Variants in KLHL8 observed in about 807,000 individuals in gnomAD.
KLHL8 encodes the protein kelch like family member 8, also known as kelch-like protein 8.
KLHL8 carries 38 observed loss-of-function variants against 63.5 expected under a neutral mutation model. The observed-to-expected ratio is 0.60, with a 90% CI of 0.46 to 0.78. The LOEUF (loss-of-function observed/expected upper bound fraction) is 0.78, where lower values mean the gene tolerates loss of function less well. KLHL8 is among the 30% of genes least tolerant of loss of function. KLHL8 has a pLI of 0.00. For synonymous variants in KLHL8, 224 were observed against 254.3 expected (o/e 0.88, Z 1.13); for missense variants, 566 against 752.4 (o/e 0.75, Z 2.90).
At position 87,162,965 on chromosome 4, in the gene KLHL8, C is replaced by T. The variant is rs906332246; in HGVS notation, c.*554G>A. On this transcript the variant is annotated 3_prime_UTR_variant, in exon 10 of 10. Coordinates refer to ENST00000273963, the MANE Select transcript of KLHL8 (RefSeq NM_020803.5). ...CTAAGTGGCATTCAAAAAGACAGAA[C>T]ATTTTTTCTACTTCCGTAAATATAA... is the stretch of plus-strand genomic sequence containing the variant. 6.6e-6 allele frequency: 1 copy of T among 151,892 alleles called. No homozygotes were observed. Among genetic ancestry groups the T allele is most frequent in the Non-Finnish European group, 1.5e-5 (1 of 67,968 alleles). 9.4% of individuals were successfully genotyped at this position (151,892 alleles called of 1,614,324 possible). A position where few individuals can be genotyped will look rare whatever the true frequency, so the allele number is the denominator to read the frequency against.
chr4:87,217,612 C>G (rs1247077110), intron 1 of KLHL8, among the ~76,000 whole-genome samples: 1 of 149,384 alleles, frequency 6.7e-6, no homozygotes, highest in Non-Finnish European at 1.5e-5. Context: ...TCTGAAAGTG[C>G]TAGGATTACA....
chr4:87,191,328 G>A (rs1208368088), intron 2 of KLHL8, among the ~76,000 whole-genome samples: 5 of 152,096 alleles, frequency 3.3e-5, no homozygotes, highest in African/African-American at 1.2e-4. Context: ...AATTAACTGG[G>A]TGTGATGGTG....
intron 1 of KLHL8, among the ~76,000 whole-genome samples, chr4:87,201,499 A>C (rs1025072095): frequency 2.6e-5 from 4 of 152,362 alleles, no homozygotes; most frequent in East Asian, 1.9e-4. Flanking sequence ...ATTAGCAATG[A>C]CATAAAAGAA....
chr4:87,183,414 C>T, intron 3 of KLHL8, 25 bp from the exon 4 acceptor site: 1 of 1,480,036 alleles, frequency 6.8e-7, no homozygotes, highest in Non-Finnish European at 9.1e-7. Context: ...AGTTGCAATA[C>T]AACAAATTTT....
chr4:87,164,273 A>G (rs1269239013), intron 8 of KLHL8, among the ~76,000 whole-genome samples, 194 bp from the exon 9 acceptor site: 1 of 152,066 alleles, frequency 6.6e-6, no homozygotes, highest in Non-Finnish European at 1.5e-5. Flanking sequence ...CTACAATTCC[A>G]CGTTAGGTAA....
chr4:87,189,712 C>T (rs1731404059), intron 2 of KLHL8, among the ~76,000 whole-genome samples: 1 of 151,790 alleles, frequency 6.6e-6, no homozygotes. Flanking sequence ...ATTTTGTAAA[C>T]TATCTCCACT....
At chr4:87,211,924 G>A (rs546548887) in intron 1 of KLHL8, among the ~76,000 whole-genome samples, 29 of 152,306 alleles carry the variant, frequency 1.9e-4, no homozygotes, top group Non-Finnish European at 3.8e-4. Context: ...CTTTTAGACA[G>A]ATGTGTTCTT....
At chr4:87,168,898 T>A (rs978242150) in intron 8 of KLHL8, among the ~76,000 whole-genome samples, 2 of 151,238 alleles carry the variant, frequency 1.3e-5, no homozygotes. Context: ...AATGCCTTTT[T>A]TTGCTGTTAG....
At chr4:87,234,306 G>T (rs190113130) in intron 1 of KLHL8, among the ~76,000 whole-genome samples, 1 of 152,216 alleles carries the variant, frequency 6.6e-6, no homozygotes, top group African/African-American at 2.4e-5. Context: ...GGGCGTGGTG[G>T]TGCACACCTG....
At chr4:87,190,734 C>T (rs1731449931) in intron 2 of KLHL8, among the ~76,000 whole-genome samples, 1 of 151,880 alleles carries the variant, frequency 6.6e-6, no homozygotes, top group Admixed American at 6.6e-5. Flanking sequence ...TAATTTATTT[C>T]TCATAGTTCT....
chr4:87,223,944 C>T (rs192147881), upstream of KLHL8, among the ~76,000 whole-genome samples: 305 of 152,276 alleles, frequency 2.0e-3, no homozygotes, highest in African/African-American at 6.7e-3. Context: ...AATTCCTTCC[C>T]TTCCCTCAAA....
chr4:87,229,534 C>A lies in KLHL8; in HGVS notation n.58-8144G>T, dbSNP rs138698783. ...GCAACCTCTGCCTCCCGGGTTCAAG[C>A]CATTCTCCTACCTCAGCCTCCCAAG... On this transcript the variant is annotated intron_variant and non_coding_transcript_variant, in intron 1 of 1. Transcript: ENST00000506274. 3.6e-3 allele frequency among the ~76,000 whole-genome samples: 539 copies of A among 151,412 alleles called. 1 individual carries two copies. Among genetic ancestry groups the A allele is most frequent in the African/African-American group, 0.012 (504 of 41,162 alleles).
rs868237496 is a variant in KLHL8 at position 87,220,488 on chromosome 4, G to A, written c.-222C>T. The A allele has an allele frequency of 6.0e-4, 91 of 152,392 alleles. No homozygotes were observed. Among genetic ancestry groups the A allele is most frequent in the African/African-American group, 2.2e-3 (91 of 41,570 alleles). 9.4% of individuals were successfully genotyped at this position (152,392 alleles called of 1,614,324 possible). On this transcript the variant is annotated 5_prime_UTR_variant, in exon 1 of 10. Coordinates refer to ENST00000273963, the MANE Select transcript of KLHL8 (RefSeq NM_020803.5). Reference sequence around the variant, plus strand: ...CACGTTACCACGCTCCCAGAGCCCCGGCCGCCCTCAGCGGAACCTCACCAA... The same window carrying A: ...CACGTTACCACGCTCCCAGAGCCCCAGCCGCCCTCAGCGGAACCTCACCAA...
intron 8 of KLHL8, among the ~76,000 whole-genome samples, chr4:87,165,149 C>CAAAAAA (rs71660120): frequency 2.9e-5 from 1 of 34,108 alleles, no homozygotes; most frequent in East Asian, 1.1e-3. Context: ...GACTCTGTCT[C>CAAAAAA]AAAAAAAAAA....
chr4:87,207,620 A>T, intron 1 of KLHL8: 1 of 1,232,604 alleles, frequency 8.1e-7, no homozygotes, highest in Non-Finnish European at 1.2e-6. Flanking sequence ...ACTACAGTCC[A>T]TGCCATCACT....
chr4:87,175,711 ATACAT>A (rs1730795539), intron 6 of KLHL8, among the ~76,000 whole-genome samples: 1 of 152,190 alleles, frequency 6.6e-6, no homozygotes. Flanking sequence ...CTTTAGACTG[ATACAT>A]TAATCAGCAT....
intron 1 of KLHL8, among the ~76,000 whole-genome samples, chr4:87,240,072 C>T (rs1733301001): frequency 1.3e-5 from 2 of 152,126 alleles, no homozygotes; most frequent in South Asian, 4.1e-4. Flanking sequence ...CCCCACAGCA[C>T]TTTGAGAACA....
At chr4:87,215,976 A>T (rs1732580716) in intron 1 of KLHL8, among the ~76,000 whole-genome samples, 1 of 152,250 alleles carries the variant, frequency 6.6e-6, no homozygotes, top group African/African-American at 2.4e-5. Flanking sequence ...CTAGTTTGAA[A>T]GATTAAACAC....
At chr4:87,184,691 C>T (rs188559599) in intron 3 of KLHL8, among the ~76,000 whole-genome samples, 1 of 151,916 alleles carries the variant, frequency 6.6e-6, no homozygotes, top group African/African-American at 2.4e-5. Flanking sequence ...ATCACAAGGG[C>T]CTATAATCTT....
Sources: allele counts gnomAD v4.1 joint callset (sites outside exome capture counted in the v4.1 genomes callset), GRCh38; gene constraint gnomAD v4.1.1; transcripts MANE v1.5; gene names NCBI Gene and HGNC (gene_info 2026-07-23, HGNC 2026-07-21).